The following KLHL15 variants were observed in gnomAD, a reference collection of about 807,000 sequenced individuals.
KLHL15 encodes kelch like family member 15, also known as kelch-like protein 15.
A neutral mutation model predicts 29.3 loss-of-function variants in KLHL15; 1 was observed. That is an observed-to-expected ratio of 0.03 (90% CI 0.01 to 0.16). KLHL15 has a LOEUF of 0.16. Ranked by LOEUF, KLHL15 falls within the 10% of genes least tolerant of loss-of-function variation. The probability of loss-of-function intolerance (pLI) is 1.00; values close to 1 mark genes in which losing one functional copy is unlikely to be tolerated. For synonymous variants in KLHL15, 212 were observed against 184.5 expected, an observed-to-expected ratio of 1.15 and a Z score of -1.21; for missense variants, 215 against 478.5, an observed-to-expected ratio of 0.45 and a Z score of 5.14.
chrX:23,991,334 T>G (rs1428256331), intron 3 of KLHL15, among the ~76,000 whole-genome samples: 3 of 66,242 alleles, frequency 4.5e-5, no homozygotes, highest in African/African-American at 6.7e-5. Flanking sequence ...GCCTGGGTAA[T>G]AAGAACAAAA....
intron 2 of KLHL15, among the ~76,000 whole-genome samples, chrX:24,018,707 A>T (rs1435198907): frequency 9.0e-6 from 1 of 111,625 alleles, no homozygotes; most frequent in East Asian, 2.8e-4. Flanking sequence ...TAATTTTTTT[A>T]AAGTTATTGG....
chrX:24,003,998 A>C (rs1185111831), intron 3 of KLHL15, among the ~76,000 whole-genome samples: 1 of 110,964 alleles, frequency 9.0e-6, no homozygotes, highest in Non-Finnish European at 1.9e-5. Context: ...TCTTCACCTA[A>C]GGAGAAAATC....
intron 3 of KLHL15, among the ~76,000 whole-genome samples, chrX:24,001,291 GAA>G (rs1355911723): frequency 9.0e-6 from 1 of 111,399 alleles, no homozygotes. Context: ...CTGAGAAAGT[GAA>G]AAGATTTTAT....
intron 2 of KLHL15, among the ~76,000 whole-genome samples, chrX:24,022,007 G>A: frequency 9.0e-6 from 1 of 111,331 alleles, no homozygotes; most frequent in Admixed American, 9.6e-5. Context: ...ATCATTTGCG[G>A]GGACTCTTGT....
intron 2 of KLHL15, among the ~76,000 whole-genome samples, chrX:24,019,444 C>T (rs781729882): frequency 9.1e-6 from 1 of 110,163 alleles, no homozygotes; most frequent in African/African-American, 3.3e-5. Context: ...TTAGTAGAGA[C>T]GGAGTTTCAC....
At position 24,009,817 on chromosome X, in the gene KLHL15, T is replaced by A. The variant is rs781490426; in HGVS notation, c.-7-3117A>T. On this transcript the variant is annotated intron_variant, in intron 2 of 3. Transcript: ENST00000328046. ...CCAGCCTGGCCAACATGGAGAAACCTCCTCTCTACTAAAAATACCAAAATT... is the reference window on the plus strand; with the variant it reads ...CCAGCCTGGCCAACATGGAGAAACCACCTCTCTACTAAAAATACCAAAATT... Among the ~76,000 whole-genome samples, 13 of 104,115 alleles carry A rather than the reference T, an allele frequency of 1.2e-4. No individual in the cohort carries two copies. The South Asian group carries it at 5.7e-3, about 46-fold the overall frequency. 90.4% of individuals were successfully genotyped at this position (104,115 alleles called of 115,157 possible).
At chrX:23,991,659 G>A (rs1366897795) in intron 3 of KLHL15, among the ~76,000 whole-genome samples, 2 of 111,562 alleles carry the variant, frequency 1.8e-5, no homozygotes, top group Non-Finnish European at 3.8e-5. Context: ...GGCCAACATG[G>A]TGAAACCCCA....
intron 2 of KLHL15, among the ~76,000 whole-genome samples, chrX:24,022,341 T>TAA (rs1354214505): frequency 0.033 from 1,365 of 41,067 alleles, 64 homozygotes; most frequent in African/African-American, 0.093. Flanking sequence ...TCTCAAAAGA[T>TAA]AAAAAAAAAA....
intron 2 of KLHL15, among the ~76,000 whole-genome samples, chrX:24,009,686 CAAA>C (rs748388349): frequency 0.17 from 5,861 of 34,184 alleles, 524 homozygotes; most frequent in African/African-American, 0.36. Context: ...GTTCCATTTT[CAAA>C]AAAAAAAAAA....
At chrX:23,997,623 C>T (rs888956668) in intron 3 of KLHL15, among the ~76,000 whole-genome samples, 1 of 99,300 alleles carries the variant, frequency 1.0e-5, no homozygotes, top group East Asian at 3.4e-4. Context: ...CCCAGCTACT[C>T]GGGAGGCTGA....
At chrX:24,004,817 C>T (rs1227812048) in intron 3 of KLHL15, among the ~76,000 whole-genome samples, 2 of 108,485 alleles carry the variant, frequency 1.8e-5, no homozygotes, top group Non-Finnish European at 3.8e-5. Context: ...TACATACATA[C>T]ATATATATAA....
Position 24,005,873 on chromosome X carries a change from A to T in KLHL15, c.705+116T>A. 6 of 533,490 alleles carry T rather than the reference A, an allele frequency of 1.1e-5. No homozygotes were observed. The East Asian group carries it at 2.0e-4, about 18-fold the overall frequency. 44.0% of individuals were successfully genotyped at this position (533,490 alleles called of 1,213,427 possible). A position where few individuals can be genotyped will look rare whatever the true frequency, so the allele number is the denominator to read the frequency against. ...TTATTCATTCTTGAATAACATAAGA[A>T]ATAACAAAATGAAGTTATTCATTCT... On this transcript the variant is annotated intron_variant, in intron 3 of 3. Coordinates refer to ENST00000328046, the MANE Select transcript of KLHL15 (RefSeq NM_030624.3).
intron 3 of KLHL15, among the ~76,000 whole-genome samples, chrX:23,991,523 AAAAC>A (rs768799405): frequency 4.2e-4 from 46 of 109,784 alleles, no homozygotes; most frequent in African/African-American, 5.0e-4. Context: ...CTTATCTCCA[AAAAC>A]AAACAAACAA....
intron 3 of KLHL15, among the ~76,000 whole-genome samples, chrX:23,994,886 A>T (rs891625992): frequency 1.8e-5 from 2 of 111,561 alleles, no homozygotes; most frequent in Non-Finnish European, 3.8e-5. Context: ...TATATTACCC[A>T]GTCTGGCCTT....
At position 23,986,215 on chromosome X, in the gene KLHL15, A is replaced by C. The variant is rs908136760; in HGVS notation, c.*1706T>G. On this transcript the variant is annotated 3_prime_UTR_variant, in exon 4 of 4. Transcript: ENST00000328046. ...TCTAATAACTGCCCAAAAAACCCCC[A>C]AAAACCAAAGTCTTCACATTTCCAT... 9 of 111,605 alleles carry C rather than the reference A, an allele frequency of 8.1e-5. No homozygotes were observed. Among genetic ancestry groups the C allele is most frequent in the African/African-American group, 2.9e-4 (9 of 30,825 alleles). The allele number at this position is 111,605 out of a possible 1,213,427, so 9.2% of individuals were successfully genotyped here. A position where few individuals can be genotyped will look rare whatever the true frequency, so the allele number is the denominator to read the frequency against.
chrX:23,998,474 G>A (rs1929240821), intron 3 of KLHL15, among the ~76,000 whole-genome samples: 1 of 111,012 alleles, frequency 9.0e-6, no homozygotes, highest in Non-Finnish European at 1.9e-5. Flanking sequence ...AGCCAGGATG[G>A]TCTCGATCTC....
intron 3 of KLHL15, among the ~76,000 whole-genome samples, chrX:23,994,046 C>CAAAAAAAA (rs35880434): frequency 1.7e-5 from 1 of 57,786 alleles, no homozygotes. Context: ...GACCTTGTCT[C>CAAAAAAAA]AAAAAAAAAA....
intron 3 of KLHL15, among the ~76,000 whole-genome samples, chrX:23,998,960 C>T (rs1477766187): frequency 9.0e-6 from 1 of 111,310 alleles, no homozygotes; most frequent in Admixed American, 9.6e-5. Context: ...GGCTGGAGTG[C>T]AGTGGTGCAG....
chrX:23,997,330 C>A (rs1176316524), intron 3 of KLHL15, among the ~76,000 whole-genome samples: 1 of 111,960 alleles, frequency 8.9e-6, no homozygotes, highest in Non-Finnish European at 1.9e-5. Context: ...CCCAGCTACT[C>A]AGGAGGCCAA....
Sources: gnomAD v4.1 joint callset for allele counts (sites outside exome capture counted in the v4.1 genomes callset) on GRCh38, gnomAD v4.1.1 for gene constraint, MANE v1.5 for transcripts, NCBI Gene and HGNC (gene_info 2026-07-23, HGNC 2026-07-21) for gene names.